Variants in NAPEPLD observed in about 807,000 individuals in gnomAD.
NAPEPLD encodes the protein N-acyl phosphatidylethanolamine phospholipase D.
In NAPEPLD, 23 loss-of-function variants were observed where a neutral mutation model predicts 38.1. That is an observed-to-expected ratio of 0.60 (90% confidence interval 0.43 to 0.86). The LOEUF is 0.86. Ranked by LOEUF, NAPEPLD falls within the 40% of genes least tolerant of loss-of-function variation. NAPEPLD has a pLI of 0.00. For synonymous variants in NAPEPLD, 147 were observed against 162.0 expected (o/e 0.91, Z 0.71); for missense variants, 411 against 476.8 (o/e 0.86, Z 1.28).
chr7:103,140,522 G>A (rs1042140628), intron 1 of NAPEPLD, among the ~76,000 whole-genome samples: 19 of 151,148 alleles, frequency 1.3e-4, no homozygotes, highest in East Asian at 3.9e-4. Context: ...CCTCCCAAGT[G>A]GCTGGGACTA....
rs188586707 is a variant in NAPEPLD, at chr7:103,140,132, T to C, written c.-17+8679A>G. On this transcript the variant is annotated intron_variant, in intron 1 of 4. Transcript: ENST00000465647. ...CTCATCATCCTAAACCTCAGTTTCA[T>C]AATTCCTAGCCCAGTCTCTGGCACA... is the stretch of plus-strand genomic sequence containing the variant. Among the ~76,000 whole-genome samples, 106 of 152,336 alleles carry C rather than the reference T, an allele frequency of 7.0e-4. 1 individual carries two copies. The highest frequency in any genetic ancestry group is 2.5e-3 in the African/African-American group (104 of 41,580).
At chr7:103,114,534 T>C (rs1805192984) in intron 4 of NAPEPLD, among the ~76,000 whole-genome samples, 1 of 152,166 alleles carries the variant, frequency 6.6e-6, no homozygotes, top group Admixed American at 6.6e-5. Context: ...TGCTCTGCCC[T>C]TTCCTCCTCT....
chr7:103,125,645 A>C (rs1307696188), intron 2 of NAPEPLD, among the ~76,000 whole-genome samples: 1 of 152,068 alleles, frequency 6.6e-6, no homozygotes, highest in Non-Finnish European at 1.5e-5. Flanking sequence ...CACTTTGGGA[A>C]GCCGGGGCGG....
At chr7:103,148,036 C>A (rs1420511957) in intron 1 of NAPEPLD, 1 of 983,252 alleles carries the variant, frequency 1.0e-6, no homozygotes, top group Non-Finnish European at 1.2e-6. Flanking sequence ...AGGTAATCTT[C>A]TTTTTAAAGA....
At chr7:103,130,719 C>T (rs1182318232) in intron 1 of NAPEPLD, among the ~76,000 whole-genome samples, 2 of 152,250 alleles carry the variant, frequency 1.3e-5, no homozygotes, top group African/African-American at 4.8e-5. Flanking sequence ...CCTCAGCCTC[C>T]CAAGTAGCTG....
chr7:103,125,198 T>G (rs1316548563), intron 2 of NAPEPLD, among the ~76,000 whole-genome samples: 5 of 152,352 alleles, frequency 3.3e-5, no homozygotes, highest in South Asian at 4.1e-4. Flanking sequence ...CATTTTTCTT[T>G]TTCACATTTG....
chr7:103,144,648 A>G (rs1812174504), intron 1 of NAPEPLD, among the ~76,000 whole-genome samples: 1 of 151,602 alleles, frequency 6.6e-6, no homozygotes, highest in African/African-American at 2.4e-5. Context: ...CATAAAGAGA[A>G]ACTGTCAGGT....
At chr7:103,128,460 C>A in intron 2 of NAPEPLD, 23 bp downstream of exon 2, 2 of 1,610,988 alleles carry the variant, frequency 1.2e-6, no homozygotes, top group Non-Finnish European at 1.7e-6. Context: ...AAATATAAAG[C>A]ACTCAAAAAA....
At chr7:103,105,792 G>C (rs890712070) in intron 4 of NAPEPLD, among the ~76,000 whole-genome samples, 9 of 152,238 alleles carry the variant, frequency 5.9e-5, no homozygotes, top group Admixed American at 5.2e-4. Flanking sequence ...AATTAGCCAG[G>C]CATAGTGGCC....
At chr7:103,110,197 G>C (rs1437626622) in intron 4 of NAPEPLD, among the ~76,000 whole-genome samples, 2 of 152,104 alleles carry the variant, frequency 1.3e-5, no homozygotes, top group East Asian at 3.9e-4. Context: ...GAAAAAGAGG[G>C]AATCCTCCCT....
chr7:103,128,928 T>A, intron 1 of NAPEPLD, 136 bp from the exon 2 acceptor site: 1 of 945,106 alleles, frequency 1.1e-6, no homozygotes, highest in Non-Finnish European at 1.5e-6. Flanking sequence ...GAAACTTTCT[T>A]CCTGCAAGGC....
chr7:103,128,851 C>T, intron 1 of NAPEPLD, 59 bp from the exon 2 acceptor site: 1 of 1,490,404 alleles, frequency 6.7e-7, no homozygotes, highest in Non-Finnish European at 9.0e-7. Flanking sequence ...AAACATAACA[C>T]AAGGTACTAT....
At chr7:103,124,705 T>C (rs148731755) in intron 2 of NAPEPLD, among the ~76,000 whole-genome samples, 50 of 152,330 alleles carry the variant, frequency 3.3e-4, no homozygotes, top group African/African-American at 1.2e-3. Flanking sequence ...GTTCATTCAA[T>C]AGCTACTCTT....
Position 103,103,701 on chromosome 7 carries a change from A to G in NAPEPLD, c.1057-147T>C, listed in dbSNP as rs927698590. ...AATTGAAGCATTAGCAAATGGGTCT[A>G]TCACATTTTCTAATACAGTTTTGAG... On this transcript the variant is annotated intron_variant, in intron 4 of 4. Coordinates refer to ENST00000465647, the MANE Select transcript of NAPEPLD (RefSeq NM_001122838.3). 21 of 775,712 alleles carry G rather than the reference A, an allele frequency of 2.7e-5. No homozygotes were observed. The South Asian group carries it at 3.9e-4, about 14-fold the overall frequency. The allele number at this position is 775,712 out of a possible 1,614,324, so 48.1% of individuals were successfully genotyped here. A position where few individuals can be genotyped will look rare whatever the true frequency, so the allele number is the denominator to read the frequency against.
intron 1 of NAPEPLD, among the ~76,000 whole-genome samples, chr7:103,138,001 G>A (rs1267809224): frequency 3.0e-5 from 4 of 131,658 alleles, no homozygotes; most frequent in East Asian, 2.1e-4. Context: ...TTTTTGAGAC[G>A]GAGTCGCGTT....
At chr7:103,132,413 A>G (rs900387431) in intron 1 of NAPEPLD, among the ~76,000 whole-genome samples, 1 of 152,112 alleles carries the variant, frequency 6.6e-6, no homozygotes, top group Non-Finnish European at 1.5e-5. Flanking sequence ...GATAGTCACA[A>G]ATTTTGGACT....
chr7:103,122,019 A>T (rs1236820064), intron 2 of NAPEPLD, among the ~76,000 whole-genome samples: 2 of 152,164 alleles, frequency 1.3e-5, no homozygotes, highest in Non-Finnish European at 2.9e-5. Context: ...GTTTGAGGGC[A>T]GGGGACAAAC....
chr7:103,133,820 A>C (rs1027784838), intron 1 of NAPEPLD, among the ~76,000 whole-genome samples: 1 of 152,248 alleles, frequency 6.6e-6, no homozygotes, highest in African/African-American at 2.4e-5. Flanking sequence ...CTGAAAGTAG[A>C]TGTGTACATG....
rs141345287 is a variant in NAPEPLD at position 103,115,088 on chromosome 7, T to C, written c.1028A>G (p.His343Arg). The C allele has an allele frequency of 4.3e-6, 7 of 1,613,788 alleles. No homozygotes were observed. The highest frequency in any genetic ancestry group is 5.9e-6 in the Non-Finnish European group (7 of 1,179,920). ...ATTTGCTAAGGCAAAAGTTCCCCAG[T>C]GAATTGCCATAGATTTCTTTGTTTG... ...DVQTKKSMAI[H>R]WGTFALANEH... The change falls in exon 4 of 5, where the codon CAC (histidine) becomes CGC (arginine). Residue 343 changes from histidine to arginine, a missense_variant. Physicochemically the swap from His to Arg is conservative, Grantham distance 29 (BLOSUM62 0). Coordinates refer to ENST00000465647, the MANE Select transcript of NAPEPLD (RefSeq NM_001122838.3).
Sources: allele counts gnomAD v4.1 joint callset (sites outside exome capture counted in the v4.1 genomes callset), GRCh38; gene constraint gnomAD v4.1.1; transcripts MANE v1.5; gene names NCBI Gene and HGNC (gene_info 2026-07-23, HGNC 2026-07-21).